The following ELP1 variants were observed in gnomAD, a reference collection of about 807,000 sequenced individuals.
ELP1 encodes elongator acetyltransferase complex subunit 1, also known as elongator complex protein 1.
ELP1 carries 131 observed loss-of-function variants against 183.2 expected under a neutral mutation model. That is an observed-to-expected ratio of 0.72 (90% CI 0.62 to 0.83). The LOEUF is 0.83. ELP1 is among the 40% of genes least tolerant of loss of function. The pLI, the probability that ELP1 is intolerant of heterozygous loss-of-function variation, is 0.00. For missense variants in ELP1, 1,550 were observed against 1,594.9 expected, an observed-to-expected ratio of 0.97 and a Z score of 0.48; for synonymous variants, 555 against 569.0, an observed-to-expected ratio of 0.98 and a Z score of 0.35.
intron 26 of ELP1, among the ~76,000 whole-genome samples, 199 bp from the exon 27 acceptor site, chr9:108,893,282 T>C (rs932889251): frequency 1.3e-5 from 2 of 152,200 alleles, no homozygotes; most frequent in Admixed American, 6.5e-5. Flanking sequence ...GCAGCACTGA[T>C]TGGGATCAGC....
At chr9:108,877,890 T>C in intron 35 of ELP1, 105 bp downstream of exon 35, 1 of 1,133,110 alleles carries the variant, frequency 8.8e-7, no homozygotes, top group South Asian at 1.3e-5. Flanking sequence ...AACTATGGCA[T>C]CTTATGTTTT....
intron 28 of ELP1, among the ~76,000 whole-genome samples, chr9:108,889,937 T>C (rs1017230490): frequency 2.0e-5 from 3 of 152,220 alleles, no homozygotes; most frequent in African/African-American, 7.2e-5. Context: ...TTTCTTTTGC[T>C]CTCTTGTGTA....
At chr9:108,901,174 A>G (rs1377346499) in intron 18 of ELP1, among the ~76,000 whole-genome samples, 1 of 152,202 alleles carries the variant, frequency 6.6e-6, no homozygotes, top group Non-Finnish European at 1.5e-5. Flanking sequence ...AATTTCCTGA[A>G]AAGTTTTTAA....
intron 2 of ELP1, among the ~76,000 whole-genome samples, chr9:108,930,416 C>T (rs1032060202): frequency 3.3e-5 from 5 of 152,156 alleles, no homozygotes; most frequent in African/African-American, 4.8e-5. Context: ...GGGCAACTTT[C>T]GTGTTCATTC....
intron 14 of ELP1, among the ~76,000 whole-genome samples, chr9:108,904,728 T>A (rs1402431103): frequency 6.6e-6 from 1 of 152,218 alleles, no homozygotes; most frequent in Non-Finnish European, 1.5e-5. Flanking sequence ...AAATGGCATA[T>A]ACTTTACAGA....
In ELP1 at chr9:108,872,528, G is replaced by A. The variant is rs1440733903; in HGVS notation, c.3931+2367C>T. On this transcript the variant is annotated intron_variant, in intron 36 of 36. Coordinates refer to ENST00000374647, the MANE Select transcript of ELP1 (RefSeq NM_003640.5). ...TCTTAAAAAAACTAGTTACAGGCCGGGCGCGGTGGCTCACGCTTGTAATCC... is the reference window on the plus strand; with the variant it reads ...TCTTAAAAAAACTAGTTACAGGCCGAGCGCGGTGGCTCACGCTTGTAATCC... Among the ~76,000 whole-genome samples, 3 of 152,044 alleles carry A rather than the reference G, an allele frequency of 2.0e-5. No individual in the cohort carries two copies. The East Asian group carries it at 5.8e-4, about 29-fold the overall frequency.
chr9:108,931,230 G>A, intron 1 of ELP1, 29 bp from the exon 2 acceptor site: 1 of 1,238,272 alleles, frequency 8.1e-7, no homozygotes, highest in Non-Finnish European at 1.2e-6. Context: ...GCTTAATAGT[G>A]ATAAATGACC....
intron 35 of ELP1, 24 bp downstream of exon 35, chr9:108,877,971 C>T (rs1827763138): frequency 6.2e-7 from 1 of 1,613,642 alleles, no homozygotes; most frequent in African/African-American, 1.3e-5. Context: ...GAAAAAAATG[C>T]ACACCGTCTC....
intron 36 of ELP1, among the ~76,000 whole-genome samples, chr9:108,869,706 A>G (rs1011743624): frequency 2.6e-5 from 4 of 152,316 alleles, no homozygotes; most frequent in Non-Finnish European, 4.4e-5. Flanking sequence ...GAGGGTTAGG[A>G]AAAGATTCTG....
At position 108,881,769 on chromosome 9, in the gene ELP1, G is replaced by C; in HGVS notation, c.3286-4C>G. Reference sequence around the variant, plus strand: ...CCAGTCTGTTATATTTGTATACCTAGAAGGAAAAACACAATAATTTTAGGA... The same window carrying C: ...CCAGTCTGTTATATTTGTATACCTACAAGGAAAAACACAATAATTTTAGGA... On this transcript the variant is annotated splice_polypyrimidine_tract_variant and splice_region_variant and intron_variant, in intron 30 of 36. Coordinates refer to ENST00000374647, the MANE Select transcript of ELP1 (RefSeq NM_003640.5). 1 of 1,513,318 alleles carries C rather than the reference G, an allele frequency of 6.6e-7. No homozygotes were observed. Among genetic ancestry groups the C allele is most frequent in the South Asian group, 1.1e-5 (1 of 88,854 alleles). 93.7% of individuals were successfully genotyped at this position (1,513,318 alleles called of 1,614,324 possible).
chr9:108,929,320 G>A (rs911742158), intron 3 of ELP1, among the ~76,000 whole-genome samples: 10 of 152,204 alleles, frequency 6.6e-5, no homozygotes, highest in African/African-American at 2.4e-4. Flanking sequence ...CATCACATGT[G>A]CAGGTAATGA....
At chr9:108,912,625 GAAC>G (rs1314144708) in intron 10 of ELP1, 131 bp from the exon 11 acceptor site, 7 of 692,042 alleles carry the variant, frequency 1.0e-5, no homozygotes, top group African/African-American at 1.8e-5. Context: ...TCTAAAATAA[GAAC>G]AATAATAACT....
chr9:108,876,247 G>A (rs1424711864), intron 35 of ELP1, among the ~76,000 whole-genome samples: 6 of 152,168 alleles, frequency 3.9e-5, no homozygotes, highest in African/African-American at 4.8e-5. Flanking sequence ...ACTCCAGCCT[G>A]AGCAACAGAG....
chr9:108,900,100 A>G (rs139675506), intron 19 of ELP1, among the ~76,000 whole-genome samples, 160 bp downstream of exon 19: 52 of 152,224 alleles, frequency 3.4e-4, no homozygotes, highest in African/African-American at 1.2e-3. Flanking sequence ...AGCCTGTATC[A>G]ACACTCCTTT....
At position 108,901,658 on chromosome 9, in the gene ELP1, G is replaced by A. The variant is rs141596257; in HGVS notation, c.1878C>T (p.Asp626=). 137 of 1,614,128 alleles carry A rather than the reference G, an allele frequency of 8.5e-5. 2 individuals carry two copies. The highest frequency in any genetic ancestry group is 5.3e-4 in the East Asian group (24 of 44,884). The change falls in exon 17 of 37, where the codon GAC becomes GAT. Residue 626 remains aspartate (D), a synonymous_variant. Transcript: ENST00000374647. ...GEEECVLGLT[D]RCRFFINDIE... is the part of the protein sequence containing the mutation. ...TGTCATTGATGAAAAAGCGACACCT[G>A]TCAGTCAGACCAAGGACACATTCCT...
chr9:108,894,693 A>G (rs1324389890), intron 25 of ELP1, among the ~76,000 whole-genome samples: 1 of 152,222 alleles, frequency 6.6e-6, no homozygotes, highest in Non-Finnish European at 1.5e-5. Flanking sequence ...TTTCTCCTAA[A>G]AGTCTAAGAC....
At chr9:108,889,958 G>A (rs770785486) in intron 28 of ELP1, among the ~76,000 whole-genome samples, 11 of 152,118 alleles carry the variant, frequency 7.2e-5, no homozygotes, top group African/African-American at 2.7e-4. Context: ...AACTGCCTAC[G>A]TTAAATGTAC....
chr9:108,919,006 T>C (rs1829549204), intron 7 of ELP1, 105 bp from the exon 8 acceptor site: 12 of 893,052 alleles, frequency 1.3e-5, no homozygotes, highest in East Asian at 1.0e-4. Flanking sequence ...AAAACTGCCA[T>C]GGTTTTACAT....
intron 35 of ELP1, among the ~76,000 whole-genome samples, chr9:108,875,371 CAT>C (rs1034453180): frequency 2.6e-5 from 4 of 152,216 alleles, no homozygotes; most frequent in East Asian, 3.8e-4. Context: ...TAAATACAAA[CAT>C]GTGCATACTA....
Sources: gnomAD v4.1 joint callset for allele counts (sites outside exome capture counted in the v4.1 genomes callset) on GRCh38, gnomAD v4.1.1 for gene constraint, MANE v1.5 for transcripts, NCBI Gene and HGNC (gene_info 2026-07-23, HGNC 2026-07-21) for gene names.